Variants in GPHN observed in about 807,000 individuals in gnomAD.
GPHN encodes gephyrin.
Under a neutral mutation model 95.5 loss-of-function variants are expected in GPHN, and 17 were observed. That is an observed-to-expected ratio of 0.18 (90% CI 0.12 to 0.27). GPHN has a LOEUF of 0.27. GPHN is among the 10% of genes least tolerant of loss of function. The pLI is 1.00. For missense variants in GPHN, 660 were observed against 978.1 expected (o/e 0.67, Z 4.34); for synonymous variants, 320 against 322.5 (o/e 0.99, Z 0.08).
At chr14:67,186,084 C>T (rs1429213605), downstream of GPHN, among the ~76,000 whole-genome samples, 2 of 152,048 alleles carry the variant, frequency 1.3e-5, no homozygotes, top group South Asian at 4.2e-4. Context: ...TTTCGTATGG[C>T]CAGCTACCAG....
chr14:66,677,118 G>C (rs1400324299), intron 1 of GPHN, among the ~76,000 whole-genome samples: 2 of 151,926 alleles, frequency 1.3e-5, no homozygotes, highest in South Asian at 4.1e-4. Context: ...TATTTCTGTT[G>C]TATCAGTTGT....
At chr14:66,602,023 T>G (rs541201407) in intron 1 of GPHN, among the ~76,000 whole-genome samples, 1 of 152,114 alleles carries the variant, frequency 6.6e-6, no homozygotes, top group East Asian at 1.9e-4. Flanking sequence ...ATGTGTAAAC[T>G]TACCTGTGTA....
chr14:67,146,312 C>T (rs935206127), intron 18 of GPHN, among the ~76,000 whole-genome samples: 1 of 152,196 alleles, frequency 6.6e-6, no homozygotes, highest in Non-Finnish European at 1.5e-5. Flanking sequence ...TCCCCTCCTT[C>T]ACCTCACCCT....
chr14:67,726,358 A>T, the GPHN span, among the ~76,000 whole-genome samples: 1 of 152,182 alleles, frequency 6.6e-6, no homozygotes, highest in African/African-American at 2.4e-5. Flanking sequence ...ACCATTAAGA[A>T]GCCCCAAATT....
the GPHN span, chr14:67,397,558 C>T: frequency 3.1e-6 from 3 of 969,596 alleles, no homozygotes; most frequent in Non-Finnish European, 3.0e-6. Context: ...TTTTTCAATT[C>T]TAACTCTGAG....
rs979422458 is a variant in GPHN, at chr14:66,530,516, C to T, written c.64+21925C>T. On this transcript the variant is annotated intron_variant, in intron 1 of 22. Transcript: ENST00000478722. ...GTATGAAAAAAAAACAAAACAAAAA[C>T]CTCCTGCAGCTAGCTCGCTGTCTGT... Among the ~76,000 whole-genome samples, 4 of 152,020 alleles carry T rather than the reference C, an allele frequency of 2.6e-5. No homozygotes were observed. The South Asian group carries it at 8.3e-4, about 32-fold the overall frequency.
At chr14:66,999,400 C>G (rs1051993764) in intron 9 of GPHN, among the ~76,000 whole-genome samples, 7 of 151,696 alleles carry the variant, frequency 4.6e-5, no homozygotes, top group African/African-American at 1.5e-4. Context: ...AACTTTAATT[C>G]AAGAAAATGT....
At chr14:67,614,472 A>G in the GPHN span, among the ~76,000 whole-genome samples, 2 of 152,132 alleles carry the variant, frequency 1.3e-5, no homozygotes, top group East Asian at 3.8e-4. Flanking sequence ...TTCATTAAGA[A>G]TCAGATTACA....
At chr14:66,801,478 C>T (rs2060344881) in intron 3 of GPHN, among the ~76,000 whole-genome samples, 1 of 152,176 alleles carries the variant, frequency 6.6e-6, no homozygotes, top group South Asian at 2.1e-4. Context: ...CTAAAGAATT[C>T]TCTGGATTAT....
intron 1 of GPHN, among the ~76,000 whole-genome samples, chr14:66,590,999 A>C (rs937554991): frequency 4.6e-5 from 7 of 152,204 alleles, no homozygotes; most frequent in Non-Finnish European, 1.0e-4. Context: ...AGGCTGGTTT[A>C]ACCTATGCAA....
At chr14:67,272,069 A>G in the GPHN span, 1 of 152,066 alleles carries the variant, frequency 6.6e-6, no homozygotes, top group African/African-American at 2.4e-5. Flanking sequence ...CAAAAAAAAA[A>G]AAAAAGTTCA....
chr14:67,727,245 C>T, the GPHN span: 1 of 1,410,438 alleles, frequency 7.1e-7, no homozygotes, highest in Non-Finnish European at 9.8e-7. Context: ...AATTAGAGGT[C>T]CACAGCAACT....
the GPHN span, among the ~76,000 whole-genome samples, chr14:67,322,867 C>T: frequency 6.6e-6 from 1 of 152,162 alleles, no homozygotes; most frequent in African/African-American, 2.4e-5. Context: ...CACACACAGT[C>T]ATGCATTGGT....
At chr14:67,525,859 G>A in the GPHN span, among the ~76,000 whole-genome samples, 1 of 152,158 alleles carries the variant, frequency 6.6e-6, no homozygotes, top group East Asian at 1.9e-4. Flanking sequence ...GATGCCCTGT[G>A]CCCAGGAAAT....
At chr14:67,390,562 G>A in the GPHN span, 2 of 826,666 alleles carry the variant, frequency 2.4e-6, no homozygotes, top group Non-Finnish European at 4.2e-6. Flanking sequence ...GCGGGTGCCA[G>A]GGGAAGGCAG....
rs776509923 is a variant in GPHN, at chr14:67,026,378, C to A, written c.1006+2703C>A. 2.9e-4 allele frequency among the ~76,000 whole-genome samples: 44 copies of A among 152,194 alleles called. No homozygotes were observed. The Middle Eastern group carries it at 0.014, about 47-fold the overall frequency. ...TAATACTACCAATTACCATTATTTT[C>A]TTGATAATGATGATGATAATAAAAT... On this transcript the variant is annotated intron_variant, in intron 10 of 22. Coordinates refer to ENST00000478722, the MANE Select transcript of GPHN (RefSeq NM_020806.5).
chr14:67,619,906 G>T, the GPHN span: 1 of 1,032,042 alleles, frequency 9.7e-7, no homozygotes, highest in South Asian at 1.7e-5. Flanking sequence ...GAGCAGCGGC[G>T]GGCGGTGGCG....
intron 1 of GPHN, among the ~76,000 whole-genome samples, chr14:66,563,263 AACTT>A (rs1285886234): frequency 6.6e-6 from 1 of 152,186 alleles, no homozygotes; most frequent in Non-Finnish European, 1.5e-5. Context: ...TAATGTGACT[AACTT>A]TTCACAATGT....
chr14:67,592,694 T>G, the GPHN span: 7 of 1,606,406 alleles, frequency 4.4e-6, no homozygotes, highest in Non-Finnish European at 5.1e-6. Flanking sequence ...TTCAATAAGA[T>G]GCAGAGGTAG....
Sources: allele counts gnomAD v4.1 joint callset (sites outside exome capture counted in the v4.1 genomes callset), GRCh38; gene constraint gnomAD v4.1.1; transcripts MANE v1.5; gene names NCBI Gene and HGNC (gene_info 2026-07-23, HGNC 2026-07-21).